Variants in P2RX1 observed in about 807,000 individuals in gnomAD.
P2RX1 encodes purinergic receptor P2X 1, also known as P2X purinoceptor 1.
Under a neutral mutation model 50.3 loss-of-function variants are expected in P2RX1, and 42 were observed. The observed-to-expected ratio is 0.83, with a 90% CI of 0.65 to 1.08. The LOEUF is 1.08. P2RX1 is among the 50% of genes least tolerant of loss of function. P2RX1 has a pLI of 0.00. For synonymous variants in P2RX1, 199 were observed against 202.6 expected, an observed-to-expected ratio of 0.98 and a Z score of 0.15; for missense variants, 449 against 529.0, an observed-to-expected ratio of 0.85 and a Z score of 1.48.
intron 1 of P2RX1, among the ~76,000 whole-genome samples, chr17:3,913,534 G>A (rs1165131117): frequency 6.6e-6 from 1 of 152,254 alleles, no homozygotes; most frequent in Non-Finnish European, 1.5e-5. Context: ...GGAGGAGCAT[G>A]ACTGGCGGAG....
At chr17:3,916,026 A>G in intron 1 of P2RX1, 63 bp downstream of exon 1, 1 of 1,593,832 alleles carries the variant, frequency 6.3e-7, no homozygotes, top group Non-Finnish European at 8.6e-7. Flanking sequence ...AAGGGATGTC[A>G]GAGTCTGGAG....
Position 3,914,644 on chromosome 17 carries a change from C to T in P2RX1, c.137+1445G>A, listed in dbSNP as rs1217235096. Among the ~76,000 whole-genome samples, 1 of 152,182 alleles carries T rather than the reference C, an allele frequency of 6.6e-6. No homozygotes were observed. Among genetic ancestry groups the T allele is most frequent in the African/African-American group, 2.4e-5 (1 of 41,444 alleles). On this transcript the variant is annotated intron_variant, in intron 1 of 11. Transcript: ENST00000225538. This position sits in a 1 kb window ranked among gnomAD's most constrained non-coding sequence, Gnocchi z 4.1. ...TGATACTAAGGGTGGACTTCCGGCC[C>T]GTCCTGTACCTGGCATCCCACCATC...
intron 1 of P2RX1, chr17:3,915,747 C>T (rs539004936): frequency 3.3e-5 from 16 of 491,580 alleles, no homozygotes; most frequent in Middle Eastern, 3.0e-4. Context: ...GTTTGGCAGG[C>T]GGTCAGAGGT....
At position 3,914,483 on chromosome 17, in the gene P2RX1, G is replaced by A. The variant is rs1275278273; in HGVS notation, c.137+1606C>T. Among the ~76,000 whole-genome samples the A allele has an allele frequency of 6.6e-6, 1 of 152,148 alleles. No homozygotes were observed. Among genetic ancestry groups the A allele is most frequent in the African/African-American group, 2.4e-5 (1 of 41,438 alleles). The stretch of plus-strand genomic sequence containing the variant: ...GTGACACACACAGAGGAGGGACCTG[G>A]TGCCCCTCACACCTGCAGATCTGAA... On this transcript the variant is annotated intron_variant, in intron 1 of 11. Transcript: ENST00000225538. This position sits in a 1 kb window ranked among gnomAD's most constrained non-coding sequence, Gnocchi z 4.1.
At chr17:3,906,291 C>G (rs151236405) in intron 1 of P2RX1, among the ~76,000 whole-genome samples, 3,904 of 152,236 alleles carry the variant, frequency 0.026, 66 homozygotes, top group Middle Eastern at 0.041. Flanking sequence ...ACCACCACGC[C>G]CAGCTAATTT....
rs143658490 is a variant in P2RX1, at chr17:3,901,347, G to A, written c.748-1586C>T. On this transcript the variant is annotated intron_variant, in intron 7 of 11. Coordinates refer to ENST00000225538, the MANE Select transcript of P2RX1 (RefSeq NM_002558.4). ...CTCCCAAAGTGCTGGGATTACAGGC[G>A]TGAGCCACCGCACCCAGCCCTGATG... Among the ~76,000 whole-genome samples, 841 of 152,342 alleles carry A rather than the reference G, an allele frequency of 5.5e-3. 10 individuals carry two copies. Among genetic ancestry groups the A allele is most frequent in the African/African-American group, 0.019 (800 of 41,580 alleles).
At chr17:3,899,048 G>A (rs757102707) in intron 8 of P2RX1, 24 bp from the exon 9 acceptor site, 2 of 1,486,488 alleles carry the variant, frequency 1.3e-6, no homozygotes, top group African/African-American at 1.4e-5. Flanking sequence ...TGAGGTGGCA[G>A]GAGGGTGATG....
Position 3,897,849 on chromosome 17 carries a change from T to C in P2RX1, c.1165A>G (p.Thr389Ala), listed in dbSNP as rs1216945426. 4 of 1,613,416 alleles carry C rather than the reference T, an allele frequency of 2.5e-6. No homozygotes were observed. ...AERDLAATSS[T>A]LGLQENMRTS ...CTCATGTTCTCCTGCAGGCCCAGGG[T>C]GGAGCTGGTAGCTGCGAGGTCACGC... Residue 389 changes from threonine to alanine, a missense_variant, in exon 12 of 12, where the codon ACC becomes GCC. Coordinates refer to ENST00000225538, the MANE Select transcript of P2RX1 (RefSeq NM_002558.4).
intron 1 of P2RX1, 172 bp downstream of exon 1, chr17:3,915,917 C>T: frequency 1.2e-6 from 1 of 839,804 alleles, no homozygotes; most frequent in Non-Finnish European, 2.0e-6. Flanking sequence ...TCGTCCCCAT[C>T]TCAACAGCGA....
intron 9 of P2RX1, 141 bp downstream of exon 9, chr17:3,898,793 C>G: frequency 2.5e-6 from 2 of 807,644 alleles, no homozygotes; most frequent in Non-Finnish European, 4.4e-6. Flanking sequence ...TGGACATGCC[C>G]CATGACCATC....
At chr17:3,909,070 G>A (rs926502819) in intron 1 of P2RX1, among the ~76,000 whole-genome samples, 4 of 151,922 alleles carry the variant, frequency 2.6e-5, no homozygotes, top group Non-Finnish European at 4.4e-5. Flanking sequence ...TCAGTCTGTT[G>A]CCCAGGCTGG....
rs535026023 is a variant in P2RX1, at chr17:3,914,606, G to T, written c.137+1483C>A. The stretch of plus-strand genomic sequence containing the variant: ...GGCCTGCGCAGACAGCCTCTCCCAG[G>T]GACGGTCAGGAGTGATACTAAGGGT... On this transcript the variant is annotated intron_variant, in intron 1 of 11. Transcript: ENST00000225538. This position sits in a 1 kb window ranked among gnomAD's most constrained non-coding sequence, Gnocchi z 4.1. 6.6e-6 allele frequency among the ~76,000 whole-genome samples: 1 copy of T among 152,290 alleles called. No individual in the cohort carries two copies. The highest frequency in any genetic ancestry group is 2.1e-4 in the South Asian group (1 of 4,824).
chr17:3,905,052 C>T (rs1451222474), intron 2 of P2RX1, 123 bp from the exon 3 acceptor site: 2 of 1,134,194 alleles, frequency 1.8e-6, no homozygotes, highest in Non-Finnish European at 2.5e-6. Context: ...GCCACCACAC[C>T]CCCTGCCACC....
At chr17:3,899,962 G>A (rs1427672309) in intron 7 of P2RX1, among the ~76,000 whole-genome samples, 1 of 152,106 alleles carries the variant, frequency 6.6e-6, no homozygotes, top group Non-Finnish European at 1.5e-5. Context: ...TTAGCCAGGT[G>A]TGGTGGCGCA....
chr17:3,906,606 G>A (rs1312485482), intron 1 of P2RX1, among the ~76,000 whole-genome samples: 1 of 152,226 alleles, frequency 6.6e-6, no homozygotes. Flanking sequence ...GTCCTCTGGA[G>A]GGCTTGCAGC....
chr17:3,901,017 T>G (rs1449333388), intron 7 of P2RX1, among the ~76,000 whole-genome samples: 16 of 152,032 alleles, frequency 1.1e-4, no homozygotes, highest in Non-Finnish European at 2.9e-5. Context: ...CTGGGAAACT[T>G]GCCAGGAGCC....
At position 3,904,947 on chromosome 17, in the gene P2RX1, GGGGA is replaced by G; in HGVS notation, c.286-22_286-19del. 1 of 1,342,944 alleles carries G rather than the reference GGGGA, an allele frequency of 7.4e-7. No individual in the cohort carries two copies. Among genetic ancestry groups the G allele is most frequent in the Non-Finnish European group, 1.1e-6 (1 of 949,694 alleles). The allele number at this position is 1,342,944 out of a possible 1,614,324, so 83.2% of individuals were successfully genotyped here. A position where few individuals can be genotyped will look rare whatever the true frequency, so the allele number is the denominator to read the frequency against. The stretch of plus-strand genomic sequence containing the variant: ...TTGTCCCCCTAGAAGTGAGGGGCAG[GGGGA>G]GGGTGGGGTGGGCTGGGAGCTGGGA... On this transcript the variant is annotated intron_variant, in intron 2 of 11. Transcript: ENST00000225538.
At chr17:3,911,895 C>G (rs1597529109) in intron 1 of P2RX1, among the ~76,000 whole-genome samples, 1 of 152,260 alleles carries the variant, frequency 6.6e-6, no homozygotes, top group East Asian at 1.9e-4. Flanking sequence ...GTTTCCTTGA[C>G]TGCAATGATT....
At chr17:3,907,267 C>G (rs1199718100) in intron 1 of P2RX1, among the ~76,000 whole-genome samples, 1 of 146,934 alleles carries the variant, frequency 6.8e-6, no homozygotes, top group Non-Finnish European at 1.5e-5. Context: ...CGAGGAAAGA[C>G]TCTTTTTGGA....
Sources: gnomAD v4.1 joint callset for allele counts (sites outside exome capture counted in the v4.1 genomes callset) on GRCh38, gnomAD v4.1.1 for gene constraint, Gnocchi (gnomAD v3.1) non-coding constraint, MANE v1.5 for transcripts, NCBI Gene and HGNC (gene_info 2026-07-23, HGNC 2026-07-21) for gene names.